Variants in AK5 observed in about 807,000 individuals in gnomAD.
AK5 encodes adenylate kinase 5.
AK5 carries 27 observed loss-of-function variants against 69.5 expected under a neutral mutation model. That is an observed-to-expected ratio of 0.39 (90% CI 0.29 to 0.54). The LOEUF (loss-of-function observed/expected upper bound fraction) is 0.54, where lower values mean the gene tolerates loss of function less well. Ranked by LOEUF, AK5 falls within the 20% of genes least tolerant of loss-of-function variation. The pLI is 0.71. For missense variants in AK5, 531 were observed against 700.4 expected (o/e 0.76, Z 2.73); for synonymous variants, 260 against 244.4 (o/e 1.06, Z -0.60).
chr1:77,442,036 G>A (rs1032723226), intron 8 of AK5, among the ~76,000 whole-genome samples: 14 of 152,162 alleles, frequency 9.2e-5, no homozygotes, highest in Non-Finnish European at 1.9e-4. Flanking sequence ...GGATACTCTG[G>A]AGGTTTTAGC....
chr1:77,366,499 T>A (rs990312180), intron 6 of AK5, among the ~76,000 whole-genome samples: 1 of 152,162 alleles, frequency 6.6e-6, no homozygotes, highest in Non-Finnish European at 1.5e-5. Context: ...GAGTGATAGA[T>A]CCAGAATTTG....
intron 6 of AK5, among the ~76,000 whole-genome samples, chr1:77,406,552 A>T (rs1412548843): frequency 6.6e-6 from 1 of 152,172 alleles, no homozygotes; most frequent in Non-Finnish European, 1.5e-5. Flanking sequence ...GCTTTTAGAC[A>T]GAAGGGCTGT....
At chr1:77,478,865 T>C (rs2647501) in intron 8 of AK5, among the ~76,000 whole-genome samples, 149,566 of 152,202 alleles carry the variant, frequency 0.98, 73,542 homozygotes, top group East Asian at 1. Context: ...AAAGCACATA[T>C]ATACCCCAAT....
chr1:77,371,151 C>T (rs1647114843), intron 6 of AK5, among the ~76,000 whole-genome samples: 1 of 152,150 alleles, frequency 6.6e-6, no homozygotes. Flanking sequence ...CCCTTGCAGT[C>T]AGAATTCTGC....
rs1660834357 is a variant in AK5 at position 77,326,919 on chromosome 1, G to T, written c.700-13458G>T. On this transcript the variant is annotated intron_variant, in intron 5 of 13. Transcript: ENST00000354567. The stretch of plus-strand genomic sequence containing the variant: ...GAATTTGGACCACATGATCTTTAAG[G>T]ATTCTTCTCAATCTTTGCTTCCATG... Among the ~76,000 whole-genome samples the T allele has an allele frequency of 3.9e-5, 6 of 152,114 alleles. No individual in the cohort carries two copies. The South Asian group carries it at 1.2e-3, about 32-fold the overall frequency.
At chr1:77,479,557 C>T (rs1655137687) in intron 8 of AK5, among the ~76,000 whole-genome samples, 1 of 152,136 alleles carries the variant, frequency 6.6e-6, no homozygotes, top group Non-Finnish European at 1.5e-5. Flanking sequence ...CCCACCTTAA[C>T]AGTATTAATC....
chr1:77,535,304 G>A (rs1049482743), intron 12 of AK5, among the ~76,000 whole-genome samples: 1 of 152,164 alleles, frequency 6.6e-6, no homozygotes, highest in Non-Finnish European at 1.5e-5. Flanking sequence ...GTGAGATAAC[G>A]AATTGATGAA....
At chr1:77,444,234 A>ATATATACACAACATATGT (rs1652533187) in intron 8 of AK5, among the ~76,000 whole-genome samples, 2 of 89,462 alleles carry the variant, frequency 2.2e-5, no homozygotes, top group African/African-American at 7.2e-5. Flanking sequence ...ATATATATAT[A>ATATATACACAACATATGT]GTATATATAT....
intron 7 of AK5, among the ~76,000 whole-genome samples, chr1:77,412,277 C>T (rs1210697235): frequency 3.9e-5 from 6 of 152,102 alleles, no homozygotes; most frequent in Non-Finnish European, 7.4e-5. Flanking sequence ...AATAGGAAAC[C>T]GCCTGAGGAC....
At chr1:77,439,652 T>A (rs902212526) in intron 8 of AK5, among the ~76,000 whole-genome samples, 1 of 152,062 alleles carries the variant, frequency 6.6e-6, no homozygotes, top group African/African-American at 2.4e-5. Context: ...ACTGTGATAT[T>A]TATCTTTTTG....
chr1:77,292,353 A>G (rs1658733410), intron 2 of AK5, among the ~76,000 whole-genome samples: 1 of 152,192 alleles, frequency 6.6e-6, no homozygotes, highest in Non-Finnish European at 1.5e-5. Context: ...TCATGAAGCT[A>G]AAATGAATCT....
At chr1:77,474,079 A>G (rs1408364245) in intron 8 of AK5, among the ~76,000 whole-genome samples, 2 of 152,208 alleles carry the variant, frequency 1.3e-5, no homozygotes, top group African/African-American at 4.8e-5. Context: ...AAACGGGTCA[A>G]GCTCTGGGGA....
intron 10 of AK5, among the ~76,000 whole-genome samples, chr1:77,489,177 A>C (rs1414432749): frequency 5.9e-5 from 9 of 152,232 alleles, no homozygotes; most frequent in Admixed American, 5.9e-4. Flanking sequence ...CAAACAGCAC[A>C]GTAGAAGATC....
At chr1:77,444,797 G>A (rs116185426) in intron 8 of AK5, among the ~76,000 whole-genome samples, 8,488 of 149,850 alleles carry the variant, frequency 0.057, 285 homozygotes, top group Middle Eastern at 0.11. Flanking sequence ...CAGGGGTCTT[G>A]AACTCCTGGG....
intron 11 of AK5, among the ~76,000 whole-genome samples, chr1:77,519,727 G>C (rs1461475038): frequency 6.6e-6 from 1 of 152,196 alleles, no homozygotes; most frequent in Non-Finnish European, 1.5e-5. Flanking sequence ...TGACATTGCT[G>C]TGGCATTTGT....
chr1:77,506,856 G>A (rs1404132244), intron 10 of AK5, among the ~76,000 whole-genome samples: 1 of 152,086 alleles, frequency 6.6e-6, no homozygotes, highest in Non-Finnish European at 1.5e-5. Flanking sequence ...AAAATTAGTT[G>A]GGCGTGGTGG....
chr1:77,291,529 A>C (rs1658684965), intron 2 of AK5, among the ~76,000 whole-genome samples: 1 of 152,100 alleles, frequency 6.6e-6, no homozygotes, highest in Non-Finnish European at 1.5e-5. Flanking sequence ...GCTTTCTACT[A>C]GATTAAAGCT....
At chr1:77,340,290 A>C (rs1570406839) in intron 5 of AK5, 87 bp from the exon 6 acceptor site, 1 of 1,336,708 alleles carries the variant, frequency 7.5e-7, no homozygotes, top group Non-Finnish European at 1.0e-6. Flanking sequence ...GGCAGCCTCC[A>C]CAGAACAAAA....
At chr1:77,372,772 CGT>C (rs34235538) in intron 6 of AK5, among the ~76,000 whole-genome samples, 3,273 of 149,408 alleles carry the variant, frequency 0.022, 120 homozygotes, top group African/African-American at 0.076. Context: ...TGTGTGTGTG[CGT>C]GTGTGTGTGT....
Sources: allele counts gnomAD v4.1 joint callset (sites outside exome capture counted in the v4.1 genomes callset), GRCh38; gene constraint gnomAD v4.1.1; transcripts MANE v1.5; gene names NCBI Gene and HGNC (gene_info 2026-07-23, HGNC 2026-07-21).